Variants in HERC1 observed in about 807,000 individuals in gnomAD.
HERC1 encodes the protein HECT and RLD domain containing E3 ubiquitin protein ligase family member 1.
Under a neutral mutation model 554.3 loss-of-function variants are expected in HERC1, and 160 were observed. The observed-to-expected ratio is 0.29, with a 90% CI of 0.25 to 0.33. HERC1 has a LOEUF of 0.33. Ranked by LOEUF, HERC1 falls within the 10% of genes least tolerant of loss-of-function variation. The pLI, the probability that HERC1 is intolerant of heterozygous loss-of-function variation, is 1.00. For synonymous variants in HERC1, 2,175 were observed against 2,131.7 expected (o/e 1.02, Z -0.56); for missense variants, 4,919 against 5,918.5 (o/e 0.83, Z 5.54).
chr15:63,674,754 T>C lies in HERC1; in HGVS notation c.7434A>G (p.Gln2478=), dbSNP rs2071110117. 1 of 1,613,950 alleles carries C rather than the reference T, an allele frequency of 6.2e-7. No homozygotes were observed. Among genetic ancestry groups the C allele is most frequent in the Non-Finnish European group, 8.5e-7 (1 of 1,179,866 alleles). ...LDPTLPSVES[Q]HQITEGKRKN... Reference sequence around the variant, plus strand: ...TTCTTTTCCCTTCTGTTATTTGATGTTGGGATTCCACACTTGGCAGTGTTG... The same window carrying C: ...TTCTTTTCCCTTCTGTTATTTGATGCTGGGATTCCACACTTGGCAGTGTTG... Residue 2478 remains glutamine (Q), a synonymous_variant, in exon 38 of 78, where the codon CAA becomes CAG. Coordinates refer to ENST00000443617, the MANE Select transcript of HERC1 (RefSeq NM_003922.4).
At position 63,678,018 on chromosome 15, in the gene HERC1, A is replaced by C. The variant is rs1269823075; in HGVS notation, c.6897T>G (p.Leu2299=). 1 of 1,613,974 alleles carries C rather than the reference A, an allele frequency of 6.2e-7. No individual in the cohort carries two copies. Among genetic ancestry groups the C allele is most frequent in the South Asian group, 1.1e-5 (1 of 91,066 alleles). The change falls in exon 37 of 78, where the codon CTT becomes CTG. Residue 2299 remains leucine (L), a synonymous_variant. Transcript: ENST00000443617. ...CCAGCACGGGCCACACCTCTATGCA[A>C]AGAGTCCTCAGCTGCAGCTCTGAGA... is the stretch of plus-strand genomic sequence containing the variant. The part of the protein sequence containing the change: ...ADLSELQLRT[L]CIEVWPVLAV...
chr15:63,673,900 T>C (rs796103995), intron 38 of HERC1, among the ~76,000 whole-genome samples: 1 of 152,206 alleles, frequency 6.6e-6, no homozygotes, highest in Non-Finnish European at 1.5e-5. Flanking sequence ...AATTTTTGTA[T>C]TTTTAGTAGA....
At position 63,658,604 on chromosome 15, in the gene HERC1, G is replaced by T; in HGVS notation, c.9539C>A (p.Ala3180Asp). ...RVVALRRVTA[A>D]AQVLLARTMV... Reference sequence around the variant, plus strand: ...GGTTCTGGCCAGAAGAACCTGAGCAGCAGCAGTCACTCTCCTTAAAGCCAC... The same window carrying T: ...GGTTCTGGCCAGAAGAACCTGAGCATCAGCAGTCACTCTCCTTAAAGCCAC... The change falls in exon 48 of 78, where the codon GCT becomes GAT. Residue 3180 changes from alanine to aspartate, a missense_variant. Transcript: ENST00000443617. 1 of 1,613,910 alleles carries T rather than the reference G, an allele frequency of 6.2e-7. No individual in the cohort carries two copies. The highest frequency in any genetic ancestry group is 1.1e-5 in the South Asian group (1 of 91,076).
At chr15:63,769,592 G>A (rs1188645112) in intron 2 of HERC1, among the ~76,000 whole-genome samples, 1 of 152,026 alleles carries the variant, frequency 6.6e-6, no homozygotes, top group Non-Finnish European at 1.5e-5. Context: ...GGTGGCTCAC[G>A]CCTGTAATCT....
chr15:63,823,095 TC>T (rs2077760907), intron 1 of HERC1, among the ~76,000 whole-genome samples: 1 of 152,228 alleles, frequency 6.6e-6, no homozygotes, highest in East Asian at 1.9e-4. Context: ...GATTATTTCA[TC>T]ACCCAGGTAT....
intron 1 of HERC1, among the ~76,000 whole-genome samples, chr15:63,776,770 C>T (rs920750658): frequency 2.0e-5 from 3 of 152,014 alleles, no homozygotes; most frequent in Non-Finnish European, 4.4e-5. Context: ...GTTTGAGACC[C>T]GCCTGGACAA....
intron 1 of HERC1, among the ~76,000 whole-genome samples, chr15:63,823,211 T>C (rs2077763846): frequency 2.0e-5 from 3 of 152,158 alleles, no homozygotes; most frequent in South Asian, 2.1e-4. Context: ...GTGTCCATGT[T>C]TTCTCATCAT....
At chr15:63,803,230 G>C (rs571948507) in intron 1 of HERC1, among the ~76,000 whole-genome samples, 25 of 151,934 alleles carry the variant, frequency 1.6e-4, no homozygotes, top group Non-Finnish European at 3.2e-4. Flanking sequence ...CTAATAAAAA[G>C]AAAAAAGTAC....
intron 1 of HERC1, among the ~76,000 whole-genome samples, chr15:63,807,766 G>A (rs1055789338): frequency 6.6e-6 from 1 of 152,066 alleles, no homozygotes; most frequent in Non-Finnish European, 1.5e-5. Context: ...ACATCACTCA[G>A]TTGAGATATG....
In HERC1 at chr15:63,680,271, T is replaced by C. The variant is rs1160012703; in HGVS notation, c.6466-111A>G. 1.3e-5 allele frequency: 11 copies of C among 827,680 alleles called. No individual in the cohort carries two copies. Among genetic ancestry groups the C allele is most frequent in the African/African-American group, 1.7e-5 (1 of 58,012 alleles). 51.3% of individuals were successfully genotyped at this position (827,680 alleles called of 1,614,324 possible). ...TTTTATGAGACAGAACAAAAGTTAC[T>C]AGATCAAATTCTCAATTAACCTTGC... On this transcript the variant is annotated intron_variant, in intron 35 of 77. Coordinates refer to ENST00000443617, the MANE Select transcript of HERC1 (RefSeq NM_003922.4). The surrounding 1 kb of genome is among the most constrained non-coding windows in gnomAD (Gnocchi z 5.8).
At chr15:63,795,572 T>C (rs1420529990) in intron 1 of HERC1, among the ~76,000 whole-genome samples, 8 of 152,230 alleles carry the variant, frequency 5.3e-5, no homozygotes, top group African/African-American at 1.7e-4. Flanking sequence ...TATTTCATGT[T>C]TGCCCATTTG....
At chr15:63,629,923 T>C (rs62012829) in intron 69 of HERC1, among the ~76,000 whole-genome samples, 24,350 of 152,124 alleles carry the variant, frequency 0.16, 2,303 homozygotes, top group Middle Eastern at 0.21. Flanking sequence ...GGAGGGTGAA[T>C]ACATCAACCT....
intron 53 of HERC1, 142 bp downstream of exon 53, chr15:63,651,111 G>C: frequency 1.4e-6 from 1 of 704,834 alleles, no homozygotes; most frequent in Non-Finnish European, 2.3e-6. Context: ...GAAGCACACA[G>C]TGCATAGATT....
intron 2 of HERC1, among the ~76,000 whole-genome samples, chr15:63,766,699 C>T (rs957017286): frequency 6.6e-6 from 1 of 152,190 alleles, no homozygotes; most frequent in Admixed American, 6.5e-5. Flanking sequence ...GTTTTTGAGA[C>T]AGAGCTTCAC....
At chr15:63,699,818 T>A (rs1246386459) in intron 25 of HERC1, among the ~76,000 whole-genome samples, 1 of 152,226 alleles carries the variant, frequency 6.6e-6, no homozygotes, top group Non-Finnish European at 1.5e-5. Flanking sequence ...ACTGTCCAAG[T>A]CATTTGTCAA....
chr15:63,647,326 T>C (rs1225122940), intron 55 of HERC1, among the ~76,000 whole-genome samples: 1 of 150,622 alleles, frequency 6.6e-6, no homozygotes, highest in African/African-American at 2.4e-5. Flanking sequence ...TCAGGATGGT[T>C]ATTATTAAAA....
At chr15:63,627,602 A>G (rs1288025121) in intron 70 of HERC1, among the ~76,000 whole-genome samples, 1 of 150,466 alleles carries the variant, frequency 6.6e-6, no homozygotes, top group East Asian at 2.0e-4. Flanking sequence ...TGAACCCGGG[A>G]GGCAGAGGTT....
chr15:63,612,637 C>A lies in HERC1; in HGVS notation c.14095-81G>T. The A allele has an allele frequency of 7.3e-7, 1 of 1,367,756 alleles. No individual in the cohort carries two copies. The highest frequency in any genetic ancestry group is 2.0e-5 in the Admixed American group (1 of 49,326). The allele number at this position is 1,367,756 out of a possible 1,614,324, so 84.7% of individuals were successfully genotyped here. The stretch of plus-strand genomic sequence containing the variant: ...AAGGGCCCTGTGGGGCTAGGCGCCT[C>A]CTGATGCCTGCTCGTCCGCTCCCCA... On this transcript the variant is annotated intron_variant, in intron 76 of 77. Transcript: ENST00000443617. This position sits in a 1 kb window ranked among gnomAD's most constrained non-coding sequence, Gnocchi z 5.0.
chr15:63,703,612 G>T (rs1212223516), intron 25 of HERC1, among the ~76,000 whole-genome samples: 3 of 152,120 alleles, frequency 2.0e-5, no homozygotes, highest in Admixed American at 2.0e-4. Flanking sequence ...TCTTGGCCAG[G>T]CACGGTGGCT....
Sources: gnomAD v4.1 joint callset for allele counts (sites outside exome capture counted in the v4.1 genomes callset) on GRCh38, gnomAD v4.1.1 for gene constraint, Gnocchi (gnomAD v3.1) non-coding constraint, MANE v1.5 for transcripts, NCBI Gene and HGNC (gene_info 2026-07-23, HGNC 2026-07-21) for gene names.